The following COL21A1 variants were observed in gnomAD, a reference collection of about 807,000 sequenced individuals.
The protein encoded by COL21A1 is collagen type XXI alpha 1 chain.
Under a neutral mutation model 137.9 loss-of-function variants are expected in COL21A1, and 149 were observed. The ratio of observed to expected loss-of-function variants is 1.08; its 90% CI spans 0.95 to 1.24. COL21A1 has a LOEUF of 1.24. COL21A1 is among the 50% of genes most tolerant of loss of function. The probability of loss-of-function intolerance (pLI) is 0.00; values close to 1 mark genes in which losing one functional copy is unlikely to be tolerated. For synonymous variants in COL21A1, 456 were observed against 391.5 expected (o/e 1.16, Z -1.95); for missense variants, 1,167 against 1,158.4 (o/e 1.01, Z -0.11).
intron 1 of COL21A1, among the ~76,000 whole-genome samples, chr6:56,256,598 T>G (rs935652869): frequency 7.7e-4 from 117 of 152,336 alleles, no homozygotes; most frequent in African/African-American, 2.5e-3. Context: ...AAAGCTGTAC[T>G]CTATACAATA....
At chr6:56,285,663 G>A (rs1763893823) in intron 1 of COL21A1, among the ~76,000 whole-genome samples, 1 of 152,128 alleles carries the variant, frequency 6.6e-6, no homozygotes, top group Non-Finnish European at 1.5e-5. Flanking sequence ...CTCATGTAAT[G>A]TAATACTTAA....
chr6:56,086,009 A>G (rs999654051), intron 17 of COL21A1, among the ~76,000 whole-genome samples: 5 of 149,880 alleles, frequency 3.3e-5, no homozygotes, highest in African/African-American at 1.2e-4. Context: ...TTATTTATAT[A>G]TAAGTGAGAC....
At chr6:56,099,256 G>T (rs1582349366) in intron 17 of COL21A1, among the ~76,000 whole-genome samples, 2 of 138,580 alleles carry the variant, frequency 1.4e-5, no homozygotes, top group Admixed American at 1.4e-4. Context: ...TTTTTTTAGA[G>T]GGAGTTTAGC....
chr6:56,346,946 G>T (rs765010710), intron 1 of COL21A1, among the ~76,000 whole-genome samples: 1 of 152,110 alleles, frequency 6.6e-6, no homozygotes, highest in African/African-American at 2.4e-5. Context: ...ACTCGCTGTA[G>T]CACTCAGCAG....
At chr6:56,351,761 C>T (rs1194691271) in intron 1 of COL21A1, among the ~76,000 whole-genome samples, 1 of 152,202 alleles carries the variant, frequency 6.6e-6, no homozygotes, top group Non-Finnish European at 1.5e-5. Flanking sequence ...TGAAATAGAC[C>T]TTGCAGCCTA....
chr6:56,156,821 G>T, intron 10 of COL21A1, 66 bp downstream of exon 10: 1 of 1,316,244 alleles, frequency 7.6e-7, no homozygotes, highest in Non-Finnish European at 1.1e-6. Context: ...GATTTGCTCA[G>T]CAAAACTTTT....
intron 1 of COL21A1, among the ~76,000 whole-genome samples, chr6:56,230,209 A>T (rs760273102): frequency 1.2e-4 from 19 of 152,150 alleles, no homozygotes; most frequent in Admixed American, 9.2e-4. Context: ...AACAATTTCC[A>T]TACTAGGTTT....
intron 1 of COL21A1, among the ~76,000 whole-genome samples, chr6:56,391,845 A>G (rs2094030303): frequency 1.3e-5 from 2 of 152,274 alleles, no homozygotes; most frequent in South Asian, 4.1e-4. Flanking sequence ...ACAACAAGTA[A>G]CAAGACAGAA....
chr6:56,332,356 T>C (rs1199720985), intron 1 of COL21A1, among the ~76,000 whole-genome samples: 4 of 152,046 alleles, frequency 2.6e-5, no homozygotes, highest in Non-Finnish European at 5.9e-5. Flanking sequence ...GAATGCAAAT[T>C]CTTAGCTGGT....
chr6:56,255,558 C>T (rs1782949194), intron 1 of COL21A1, among the ~76,000 whole-genome samples: 1 of 152,144 alleles, frequency 6.6e-6, no homozygotes, highest in Admixed American at 6.6e-5. Flanking sequence ...CTCCTTCCTG[C>T]TCTGCCAACA....
chr6:56,057,475 G>T lies in COL21A1; in HGVS notation c.*182C>A, dbSNP rs570367184. 2.1e-5 allele frequency: 13 copies of T among 614,670 alleles called. No homozygotes were observed. The highest frequency in any genetic ancestry group is 3.4e-5 in the Non-Finnish European group (12 of 356,340). 38.1% of individuals were successfully genotyped at this position (614,670 alleles called of 1,614,324 possible). On this transcript the variant is annotated 3_prime_UTR_variant, in exon 30 of 30. Transcript: ENST00000244728. ...TGCTGCTAATCCAAGGGCTCCAAATGACTGAGGAGCCTTTAAAATCAGTAT... is the reference window on the plus strand; with the variant it reads ...TGCTGCTAATCCAAGGGCTCCAAATTACTGAGGAGCCTTTAAAATCAGTAT...
At chr6:56,094,004 C>T (rs9464339) in intron 17 of COL21A1, among the ~76,000 whole-genome samples, 1,883 of 152,218 alleles carry the variant, frequency 0.012, 46 homozygotes, top group African/African-American at 0.041. Context: ...AGCATGCTTG[C>T]GTAACAGTGA....
chr6:56,380,224 C>T (rs938277168), intron 1 of COL21A1, among the ~76,000 whole-genome samples: 4 of 152,212 alleles, frequency 2.6e-5, no homozygotes, highest in African/African-American at 9.7e-5. Flanking sequence ...CCCTTTCTTT[C>T]CACATGACTA....
intron 10 of COL21A1, among the ~76,000 whole-genome samples, chr6:56,155,444 A>G (rs1193743180): frequency 6.6e-6 from 1 of 152,202 alleles, no homozygotes; most frequent in East Asian, 1.9e-4. Context: ...ATGATTTCAC[A>G]TTATATCTAT....
intron 9 of COL21A1, among the ~76,000 whole-genome samples, chr6:56,160,726 TC>T (rs1776135069): frequency 2.0e-5 from 3 of 152,190 alleles, no homozygotes; most frequent in Non-Finnish European, 4.4e-5. Flanking sequence ...AGTGGAAATG[TC>T]ATGGACTAAA....
intron 1 of COL21A1, among the ~76,000 whole-genome samples, chr6:56,345,278 G>A (rs1765569837): frequency 6.6e-6 from 1 of 152,194 alleles, no homozygotes; most frequent in African/African-American, 2.4e-5. Flanking sequence ...TAAGGTGCAT[G>A]ACTGCTGGGG....
intron 1 of COL21A1, among the ~76,000 whole-genome samples, chr6:56,220,362 A>AG (rs1275281756): frequency 6.6e-6 from 1 of 152,164 alleles, no homozygotes; most frequent in Non-Finnish European, 1.5e-5. Context: ...GAAGGAACAA[A>AG]GGGAATATGT....
At chr6:56,232,764 C>G (rs542587253) in intron 1 of COL21A1, among the ~76,000 whole-genome samples, 1 of 151,962 alleles carries the variant, frequency 6.6e-6, no homozygotes, top group Admixed American at 6.6e-5. Flanking sequence ...AACAAGATCC[C>G]TAGAGCCACA....
intron 12 of COL21A1, among the ~76,000 whole-genome samples, chr6:56,138,103 C>T (rs1328269797): frequency 6.6e-6 from 1 of 152,024 alleles, no homozygotes; most frequent in East Asian, 1.9e-4. Flanking sequence ...ATTACTTTTG[C>T]ACCAACCTAA....
Sources: allele counts gnomAD v4.1 joint callset (sites outside exome capture counted in the v4.1 genomes callset), GRCh38; gene constraint gnomAD v4.1.1; transcripts MANE v1.5; gene names NCBI Gene and HGNC (gene_info 2026-07-23, HGNC 2026-07-21).